Variants in PDE7A observed in about 807,000 individuals in gnomAD.
PDE7A encodes the protein high affinity 3',5'-cyclic-AMP phosphodiesterase 7A.
PDE7A carries 39 observed loss-of-function variants against 64.3 expected under a neutral mutation model. That is an observed-to-expected ratio of 0.61 (90% CI 0.47 to 0.79). The LOEUF (loss-of-function observed/expected upper bound fraction) is 0.79, where lower values mean the gene tolerates loss of function less well. PDE7A is among the 30% of genes least tolerant of loss of function. The pLI is 0.00. For missense variants in PDE7A, 470 were observed against 582.8 expected, an observed-to-expected ratio of 0.81 and a Z score of 1.99; for synonymous variants, 203 against 206.8, an observed-to-expected ratio of 0.98 and a Z score of 0.16.
intron 11 of PDE7A, 32 bp from the exon 12 acceptor site, chr8:65,723,653 G>T (rs1346006359): frequency 5.0e-6 from 7 of 1,411,570 alleles, no homozygotes; most frequent in South Asian, 1.4e-5. Flanking sequence ...GTATTAATAT[G>T]AAGAATATCT....
intron 1 of PDE7A, among the ~76,000 whole-genome samples, chr8:65,786,676 A>T (rs1024908568): frequency 1.3e-5 from 2 of 152,218 alleles, no homozygotes; most frequent in Admixed American, 1.3e-4. Context: ...AATTTCATCA[A>T]AATCCTGTGT....
chr8:65,812,751 C>T (rs931819026), intron 1 of PDE7A, among the ~76,000 whole-genome samples: 2 of 152,102 alleles, frequency 1.3e-5, no homozygotes, highest in African/African-American at 4.8e-5. Context: ...ATGCTATTAA[C>T]ATAAAAACAT....
intron 1 of PDE7A, among the ~76,000 whole-genome samples, chr8:65,798,206 A>ATATATATATATATAT: frequency 2.3e-4 from 17 of 73,804 alleles, no homozygotes; most frequent in East Asian, 1.5e-3. Flanking sequence ...ATATATATAT[A>ATATATATATATATAT]TTTTTTTTTT....
chr8:65,772,126 C>T (rs977941253), intron 3 of PDE7A, among the ~76,000 whole-genome samples: 8 of 152,050 alleles, frequency 5.3e-5, no homozygotes. Flanking sequence ...AAAGAGACAA[C>T]AATTTTACAA....
chr8:65,752,646 AT>A (rs1281510648), intron 3 of PDE7A, among the ~76,000 whole-genome samples: 1 of 152,098 alleles, frequency 6.6e-6, no homozygotes, highest in Non-Finnish European at 1.5e-5. Context: ...ATTCTGGGTC[AT>A]TTTTGCCTGG....
chr8:65,811,948 T>C (rs1810267198), intron 1 of PDE7A, among the ~76,000 whole-genome samples: 1 of 152,204 alleles, frequency 6.6e-6, no homozygotes, highest in South Asian at 2.1e-4. Flanking sequence ...GGCTCACACC[T>C]GTAATCCCAG....
chr8:65,829,220 C>T (rs1438813092), intron 1 of PDE7A, among the ~76,000 whole-genome samples: 1 of 152,096 alleles, frequency 6.6e-6, no homozygotes, highest in African/African-American at 2.4e-5. Context: ...TGGCTTCATT[C>T]ATAAGTTAAT....
intron 12 of PDE7A, among the ~76,000 whole-genome samples, chr8:65,721,464 C>A (rs1433676116): frequency 2.6e-5 from 4 of 152,088 alleles, no homozygotes; most frequent in Non-Finnish European, 5.9e-5. Flanking sequence ...ATGAAGTGGG[C>A]AAACCATCTG....
intron 7 of PDE7A, among the ~76,000 whole-genome samples, chr8:65,730,759 C>G (rs913186055): frequency 7.9e-5 from 12 of 151,926 alleles, no homozygotes; most frequent in African/African-American, 2.9e-4. Flanking sequence ...AAAACCCCAT[C>G]TCTACTAAAA....
rs567496948 is a variant in PDE7A, at chr8:65,744,028, T to C, written c.499+1379A>G. Among the ~76,000 whole-genome samples, 505 of 152,324 alleles carry C rather than the reference T, an allele frequency of 3.3e-3. 3 individuals carry two copies. The highest frequency in any genetic ancestry group is 0.02 in the South Asian group (95 of 4,832). ...TTGTATTTTTAGTAGAGATGGGGTT[T>C]TGCCATGTTGGCCAGGCTGGTCTTA... On this transcript the variant is annotated intron_variant, in intron 5 of 12. Coordinates refer to ENST00000401827, the MANE Select transcript of PDE7A (RefSeq NM_001242318.3).
At chr8:65,768,531 C>T (rs1486576580) in intron 3 of PDE7A, among the ~76,000 whole-genome samples, 1 of 152,178 alleles carries the variant, frequency 6.6e-6, no homozygotes, top group Non-Finnish European at 1.5e-5. Context: ...GCCTCCCCAG[C>T]CAGGTGGAGC....
intron 1 of PDE7A, among the ~76,000 whole-genome samples, chr8:65,814,609 C>A (rs1424751887): frequency 6.8e-6 from 1 of 147,300 alleles, no homozygotes; most frequent in African/African-American, 2.5e-5. Context: ...TATATGTGAA[C>A]AAATTTTCAG....
intron 3 of PDE7A, among the ~76,000 whole-genome samples, chr8:65,769,310 T>C (rs867508135): frequency 4.0e-5 from 6 of 150,732 alleles, no homozygotes; most frequent in Non-Finnish European, 8.9e-5. Flanking sequence ...AAAATTGTTA[T>C]GAAAGTCTGC....
At chr8:65,829,807 T>A (rs1318437050) in intron 1 of PDE7A, among the ~76,000 whole-genome samples, 1 of 151,830 alleles carries the variant, frequency 6.6e-6, no homozygotes, top group African/African-American at 2.4e-5. Flanking sequence ...AGAAAAAAAA[T>A]GACAGATGAA....
rs566184451 is a variant in PDE7A, at chr8:65,829,389, A to G, written c.138+11982T>C. 4.2e-4 allele frequency among the ~76,000 whole-genome samples: 64 copies of G among 152,262 alleles called. 1 individual carries two copies. In the South Asian group the frequency reaches 0.013, roughly 31 times the overall value. ...TATATGTTAATTAAAAGTAACTCAG[A>G]TATTTTCAGAACTGAGTGTGTTTGT... On this transcript the variant is annotated intron_variant, in intron 1 of 12. Coordinates refer to ENST00000401827, the MANE Select transcript of PDE7A (RefSeq NM_001242318.3).
chr8:65,821,785 A>C (rs1173536161), intron 1 of PDE7A, among the ~76,000 whole-genome samples: 1 of 152,246 alleles, frequency 6.6e-6, no homozygotes, highest in Non-Finnish European at 1.5e-5. Context: ...ATATATCAGT[A>C]TCTTTCTAAT....
At chr8:65,723,518 T>C in intron 12 of PDE7A, 23 bp downstream of exon 12, 1 of 1,475,830 alleles carries the variant, frequency 6.8e-7, no homozygotes, top group Non-Finnish European at 9.0e-7. Context: ...TCTAACCAGC[T>C]ATATCTAAAT....
At chr8:65,795,741 A>G (rs1218463976) in intron 1 of PDE7A, among the ~76,000 whole-genome samples, 1 of 152,228 alleles carries the variant, frequency 6.6e-6, no homozygotes, top group Non-Finnish European at 1.5e-5. Context: ...GCCTACCAGA[A>G]CAGAATTTAA....
intron 1 of PDE7A, among the ~76,000 whole-genome samples, chr8:65,812,699 G>GCC (rs1810284795): frequency 6.6e-6 from 1 of 152,068 alleles, no homozygotes; most frequent in Admixed American, 6.5e-5. Context: ...CTCTTACAAT[G>GCC]CAACAAGATA....
Sources: allele counts gnomAD v4.1 joint callset (sites outside exome capture counted in the v4.1 genomes callset), GRCh38; gene constraint gnomAD v4.1.1; transcripts MANE v1.5; gene names NCBI Gene and HGNC (gene_info 2026-07-23, HGNC 2026-07-21).